Variants in COL19A1 observed in about 807,000 individuals in gnomAD.
COL19A1 encodes the protein collagen type XIX alpha 1 chain.
In COL19A1, 159 loss-of-function variants were observed where a neutral mutation model predicts 190.2. That is an observed-to-expected ratio of 0.84 (90% CI 0.73 to 0.95). The LOEUF (loss-of-function observed/expected upper bound fraction) is 0.95, where lower values mean the gene tolerates loss of function less well. COL19A1 is among the 40% of genes least tolerant of loss of function. The pLI is 0.00. For synonymous variants in COL19A1, 509 were observed against 458.9 expected (o/e 1.11, Z -1.39); for missense variants, 1,418 against 1,431.9 (o/e 0.99, Z 0.16).
intron 15 of COL19A1, among the ~76,000 whole-genome samples, chr6:70,070,344 T>C (rs1250124363): frequency 6.6e-6 from 1 of 152,156 alleles, no homozygotes; most frequent in Non-Finnish European, 1.5e-5. Flanking sequence ...TTTATGTAAA[T>C]TTACTCCATT....
intron 1 of COL19A1, among the ~76,000 whole-genome samples, chr6:69,877,702 C>A (rs1307230906): frequency 6.6e-6 from 1 of 151,876 alleles, no homozygotes; most frequent in Non-Finnish European, 1.5e-5. Flanking sequence ...AAAGCATAGG[C>A]AACTTAAACA....
intron 4 of COL19A1, among the ~76,000 whole-genome samples, chr6:69,913,931 G>A (rs181530451): frequency 1.3e-5 from 2 of 151,876 alleles, no homozygotes; most frequent in East Asian, 1.9e-4. Flanking sequence ...GACCTTTTGC[G>A]GGCAGGGTTG....
chr6:70,061,595 G>C (rs1014539433), intron 14 of COL19A1, among the ~76,000 whole-genome samples: 8 of 152,212 alleles, frequency 5.3e-5, no homozygotes, highest in Non-Finnish European at 1.2e-4. Context: ...GCATTAGGTA[G>C]ACTTTGCTAC....
chr6:69,881,568 T>C lies in COL19A1; in HGVS notation c.91+1910T>C, dbSNP rs550987793. ...TAGCTCTAGTATCTCAACTCTTTAA[T>C]CAGGTTACATGATGTATAGGACTAC... On this transcript the variant is annotated intron_variant, in intron 2 of 50. Transcript: ENST00000620364. 1.4e-4 allele frequency among the ~76,000 whole-genome samples: 21 copies of C among 152,342 alleles called. No individual in the cohort carries two copies. In the East Asian group the frequency reaches 4.0e-3, roughly 29 times the overall value.
intron 4 of COL19A1, among the ~76,000 whole-genome samples, chr6:69,926,599 G>A (rs1203344563): frequency 6.6e-6 from 1 of 152,006 alleles, no homozygotes; most frequent in East Asian, 1.9e-4. Context: ...TGCAGATCGG[G>A]GGAAAAAGAA....
At chr6:70,051,176 C>G (rs1439398856) in intron 14 of COL19A1, among the ~76,000 whole-genome samples, 2 of 151,966 alleles carry the variant, frequency 1.3e-5, no homozygotes, top group Non-Finnish European at 2.9e-5. Flanking sequence ...TCCTTAAATC[C>G]CCTCTATTTT....
intron 34 of COL19A1, among the ~76,000 whole-genome samples, chr6:70,159,411 CACACAT>C (rs1419630312): frequency 4.5e-4 from 68 of 151,158 alleles, no homozygotes; most frequent in Non-Finnish European, 8.7e-4. Context: ...CCCATGTATA[CACACAT>C]ACACATACAC....
At chr6:69,902,172 C>G (rs1207534859) in intron 4 of COL19A1, among the ~76,000 whole-genome samples, 6 of 152,074 alleles carry the variant, frequency 3.9e-5, no homozygotes, top group African/African-American at 1.4e-4. Context: ...CTTGTTGAGC[C>G]AAGTATGCTA....
intron 12 of COL19A1, among the ~76,000 whole-genome samples, chr6:70,028,209 G>C (rs568701272): frequency 6.6e-6 from 1 of 152,116 alleles, no homozygotes; most frequent in Non-Finnish European, 1.5e-5. Flanking sequence ...TCAAAGAAAG[G>C]CCAGATGGTT....
rs1023932570 is a variant in COL19A1, at chr6:70,209,144, C to T, written c.*1870C>T. ...TTTTCTTAGTAAAATGGTAATTTAT[C>T]CCGAAAAAGTGTACATAGATCTAAA... On this transcript the variant is annotated 3_prime_UTR_variant, in exon 51 of 51. Transcript: ENST00000620364. 6.6e-6 allele frequency: 1 copy of T among 151,706 alleles called. No individual in the cohort carries two copies. Among genetic ancestry groups the T allele is most frequent in the African/African-American group, 2.4e-5 (1 of 41,126 alleles). 9.4% of individuals were successfully genotyped at this position (151,706 alleles called of 1,614,324 possible). A position where few individuals can be genotyped will look rare whatever the true frequency, so the allele number is the denominator to read the frequency against.
chr6:69,936,543 C>T (rs549508455), intron 7 of COL19A1, among the ~76,000 whole-genome samples: 3 of 152,150 alleles, frequency 2.0e-5, no homozygotes, highest in Non-Finnish European at 4.4e-5. Context: ...CTTTGTAATT[C>T]CTTACCAAGA....
intron 1 of COL19A1, chr6:69,867,366 CG>C (rs1417768311): frequency 3.2e-5 from 5 of 154,204 alleles, no homozygotes; most frequent in African/African-American, 1.2e-4. Context: ...GCGCCGCCGC[CG>C]TCCCCGCAGT....
intron 14 of COL19A1, among the ~76,000 whole-genome samples, chr6:70,053,327 T>C (rs1780313484): frequency 6.6e-6 from 1 of 152,180 alleles, no homozygotes; most frequent in Admixed American, 6.6e-5. Context: ...CCAATTGTAA[T>C]TTACTTTCAT....
intron 9 of COL19A1, among the ~76,000 whole-genome samples, chr6:69,956,034 T>C (rs887887385): frequency 1.3e-5 from 2 of 152,032 alleles, no homozygotes; most frequent in African/African-American, 4.8e-5. Context: ...CATAAATGCA[T>C]GAATTTATAT....
At chr6:70,079,881 A>G (rs1220609822) in intron 15 of COL19A1, among the ~76,000 whole-genome samples, 5 of 152,190 alleles carry the variant, frequency 3.3e-5, no homozygotes, top group Non-Finnish European at 7.3e-5. Context: ...ATATATATAT[A>G]TGTGAATACT....
At chr6:69,975,569 T>G (rs935965870) in intron 11 of COL19A1, among the ~76,000 whole-genome samples, 1 of 152,206 alleles carries the variant, frequency 6.6e-6, no homozygotes, top group Non-Finnish European at 1.5e-5. Flanking sequence ...AGTCACAATA[T>G]AAGCATTTAC....
chr6:70,038,794 T>C (rs6939166), intron 14 of COL19A1, among the ~76,000 whole-genome samples: 21,579 of 152,128 alleles, frequency 0.14, 1,797 homozygotes, highest in African/African-American at 0.23. Flanking sequence ...GTTGTTGCAC[T>C]ACACTGGTCA....
chr6:70,032,759 T>C (rs1352127988), intron 12 of COL19A1, among the ~76,000 whole-genome samples: 1 of 152,092 alleles, frequency 6.6e-6, no homozygotes, highest in Non-Finnish European at 1.5e-5. Context: ...CCAGTACAGG[T>C]CTAAAGGCCA....
chr6:70,047,990 G>A (rs1471209050), intron 14 of COL19A1, among the ~76,000 whole-genome samples: 2 of 151,990 alleles, frequency 1.3e-5, no homozygotes, highest in Non-Finnish European at 1.5e-5. Context: ...TGTCTCTTTG[G>A]GAAGTTATTA....
Sources: gnomAD v4.1 joint callset for allele counts (sites outside exome capture counted in the v4.1 genomes callset) on GRCh38, gnomAD v4.1.1 for gene constraint, MANE v1.5 for transcripts, NCBI Gene and HGNC (gene_info 2026-07-23, HGNC 2026-07-21) for gene names.